ASPA: variants seen among roughly 807,000 people sequenced by gnomAD.
ASPA encodes ACY-2.
In ASPA, 25 loss-of-function variants were observed where a neutral mutation model predicts 29.6. The observed-to-expected ratio is 0.85, with a 90% CI of 0.62 to 1.18. The LOEUF is 1.18. Ranked by LOEUF, ASPA falls within the 50% of genes most tolerant of loss-of-function variation. The probability of loss-of-function intolerance (pLI) is 0.00; values close to 1 mark genes in which losing one functional copy is unlikely to be tolerated. For synonymous variants in ASPA, 131 were observed against 130.3 expected, an observed-to-expected ratio of 1.01 and a Z score of -0.04; for missense variants, 333 against 385.7, an observed-to-expected ratio of 0.86 and a Z score of 1.14.
At chr17:3,477,122 T>G (rs893293089) in intron 1 of ASPA, among the ~76,000 whole-genome samples, 2 of 151,604 alleles carry the variant, frequency 1.3e-5, no homozygotes, top group Admixed American at 6.6e-5. Flanking sequence ...GCCACTGCAC[T>G]CCAGCCTGGG....
chr17:3,482,052 T>C (rs1317035816), intron 2 of ASPA, among the ~76,000 whole-genome samples: 1 of 152,180 alleles, frequency 6.6e-6, no homozygotes, highest in Non-Finnish European at 1.5e-5. Context: ...ACTTGTGGAT[T>C]CTTGTGTCTA....
chr17:3,482,204 G>C (rs2073642908), intron 2 of ASPA, among the ~76,000 whole-genome samples: 3 of 152,026 alleles, frequency 2.0e-5, no homozygotes, highest in Admixed American at 1.3e-4. Flanking sequence ...AAATGGTATG[G>C]GATCTCAATT....
At chr17:3,478,673 C>T (rs1189259323) in intron 1 of ASPA, among the ~76,000 whole-genome samples, 3 of 152,170 alleles carry the variant, frequency 2.0e-5, no homozygotes, top group African/African-American at 7.2e-5. Context: ...ACTTTCTGCT[C>T]CTTACTGTTA....
At position 3,485,934 on chromosome 17, in the gene ASPA, C is replaced by CT. The variant is rs145731380; in HGVS notation, c.526+2357dup. The stretch of plus-strand genomic sequence containing the variant: ...CAGTGGTTGCATTCTAGGAGGGAAC[C>CT]TTTTTTTTTTTTTTTGAGACGGAGT... On this transcript the variant is annotated intron_variant, in intron 3 of 5. Transcript: ENST00000263080. This position sits in a 1 kb window ranked among gnomAD's most constrained non-coding sequence, Gnocchi z 4.4. Among the ~76,000 whole-genome samples, 435 of 142,354 alleles carry CT rather than the reference C, an allele frequency of 3.1e-3. 7 individuals carry two copies. The highest frequency in any genetic ancestry group is 6.6e-3 in the Admixed American group (94 of 14,206). 93.4% of individuals were successfully genotyped at this position (142,354 alleles called of 152,430 possible).
At chr17:3,478,249 T>C (rs1253308429) in intron 1 of ASPA, among the ~76,000 whole-genome samples, 3 of 152,124 alleles carry the variant, frequency 2.0e-5, no homozygotes, top group Non-Finnish European at 4.4e-5. Context: ...TCTATGTGCT[T>C]GTTTTCTGAT....
chr17:3,495,658 T>G (rs1392280761), intron 5 of ASPA, among the ~76,000 whole-genome samples: 3 of 152,214 alleles, frequency 2.0e-5, no homozygotes, highest in Non-Finnish European at 4.4e-5. Flanking sequence ...AAGCTCCACC[T>G]CCCGGGTTCA....
chr17:3,485,949 T>TTTTTA lies in ASPA; in HGVS notation c.526+2357_526+2358insTTTTA, dbSNP rs2073712654. Among the ~76,000 whole-genome samples the TTTTTA allele has an allele frequency of 7.1e-6, 1 of 141,496 alleles. No individual in the cohort carries two copies. Among genetic ancestry groups the TTTTTA allele is most frequent in the African/African-American group, 2.5e-5 (1 of 39,826 alleles). 92.8% of individuals were successfully genotyped at this position (141,496 alleles called of 152,430 possible). On this transcript the variant is annotated intron_variant, in intron 3 of 5. Transcript: ENST00000263080. This position sits in a 1 kb window ranked among gnomAD's most constrained non-coding sequence, Gnocchi z 4.4. The stretch of plus-strand genomic sequence containing the variant: ...AGGAGGGAACCTTTTTTTTTTTTTT[T>TTTTTA]GAGACGGAGTTTCGCTCTTGTTGCC...
In ASPA at chr17:3,476,371, G is replaced by A. The variant is rs104894553; in HGVS notation, c.212G>A (p.Arg71His). 1.1e-4 allele frequency: 181 copies of A among 1,613,924 alleles called. No individual in the cohort carries two copies. The highest frequency in any genetic ancestry group is 6.7e-5 in the Admixed American group (4 of 60,002). ...CTRYIDCDLN[R>H]IFDLENLGKK... Reference sequence around the variant, plus strand: ...AGATATATTGACTGTGACCTGAATCGCATTTTTGACCTTGAAAATCTTGGG... The same window carrying A: ...AGATATATTGACTGTGACCTGAATCACATTTTTGACCTTGAAAATCTTGGG... Residue 71 changes from arginine (R) to histidine (H), a missense_variant, in exon 1 of 6, where the codon CGC (arginine) becomes CAC (histidine). Physicochemically the swap from Arg to His is conservative, Grantham distance 29 (BLOSUM62 0). Transcript: ENST00000263080.
At chr17:3,493,856 G>A (rs113384456) in intron 4 of ASPA, among the ~76,000 whole-genome samples, 10 of 152,214 alleles carry the variant, frequency 6.6e-5, no homozygotes, top group South Asian at 4.1e-4. Flanking sequence ...ACCTCTGGCC[G>A]TCGGCGTGTT....
rs2073811219 is a variant in ASPA at position 3,490,794 on chromosome 17, T to C, written c.634+1452T>C. On this transcript the variant is annotated intron_variant, in intron 4 of 5. Coordinates refer to ENST00000263080, the MANE Select transcript of ASPA (RefSeq NM_000049.4). This position sits in a 1 kb window ranked among gnomAD's most constrained non-coding sequence, Gnocchi z 4.6. ...AATCTGGGTGGAAAACGTGGTTGGT[T>C]TTCAGATCATAGTCCATAGAATCCT... is the stretch of plus-strand genomic sequence containing the variant. 6.6e-6 allele frequency among the ~76,000 whole-genome samples: 1 copy of C among 152,118 alleles called. No individual in the cohort carries two copies. The highest frequency in any genetic ancestry group is 2.4e-5 in the African/African-American group (1 of 41,422).
intron 4 of ASPA, among the ~76,000 whole-genome samples, chr17:3,492,059 T>C (rs1001207966): frequency 6.6e-6 from 1 of 152,034 alleles, no homozygotes; most frequent in Non-Finnish European, 1.5e-5. Flanking sequence ...GTGGTTTTTG[T>C]AGAGACAGGG....
At position 3,490,628 on chromosome 17, in the gene ASPA, A is replaced by G. The variant is rs1190056317; in HGVS notation, c.634+1286A>G. Reference sequence around the variant, plus strand: ...GAAAACTGAAAATTTGCTTTTTACCATCTTTGTCTGAGGGCAGGTTCTATA... The same window carrying G: ...GAAAACTGAAAATTTGCTTTTTACCGTCTTTGTCTGAGGGCAGGTTCTATA... On this transcript the variant is annotated intron_variant, in intron 4 of 5. Transcript: ENST00000263080. The surrounding 1 kb of genome is among the most constrained non-coding windows in gnomAD (Gnocchi z 4.6). Among the ~76,000 whole-genome samples, 4 of 152,300 alleles carry G rather than the reference A, an allele frequency of 2.6e-5. No individual in the cohort carries two copies. Among genetic ancestry groups the G allele is most frequent in the South Asian group, 2.1e-4 (1 of 4,830 alleles).
rs148444458 is a variant in ASPA, at chr17:3,498,190, C to T, written c.745-701C>T. On this transcript the variant is annotated intron_variant, in intron 5 of 5. Coordinates refer to ENST00000263080, the MANE Select transcript of ASPA (RefSeq NM_000049.4). ...GGTAGAATGTCTTGCACACAGAAGA[C>T]TCCTAATGGATATTTCCTAAATTTT... Among the ~76,000 whole-genome samples, 765 of 152,300 alleles carry T rather than the reference C, an allele frequency of 5.0e-3. 3 individuals are homozygous for T. Among genetic ancestry groups the T allele is most frequent in the Non-Finnish European group, 5.2e-3 (355 of 68,034 alleles).
At position 3,481,663 on chromosome 17, in the gene ASPA, A is replaced by C; in HGVS notation, c.297A>C (p.Leu99Phe). 6.2e-7 allele frequency: 1 copy of C among 1,613,936 alleles called. No individual in the cohort carries two copies. The highest frequency in any genetic ancestry group is 8.5e-7 in the Non-Finnish European group (1 of 1,179,940). Residue 99 changes from leucine (L) to phenylalanine (F), a missense_variant, in exon 2 of 6, where the codon TTA becomes TTC. Transcript: ENST00000263080. ...EVRRAQEINH[L>F]FGPKDSEDSY... The stretch of plus-strand genomic sequence containing the variant: ...GAAGGGCTCAAGAAATAAATCATTT[A>C]TTTGGTCCAAAAGACAGTGAAGATT...
chr17:3,483,882 T>G (rs2073676350), intron 3 of ASPA, among the ~76,000 whole-genome samples: 1 of 152,096 alleles, frequency 6.6e-6, no homozygotes, highest in Non-Finnish European at 1.5e-5. Flanking sequence ...GGCCTCAAAC[T>G]CCTGACCTCA....
chr17:3,479,692 G>A (rs1395860123), intron 1 of ASPA, among the ~76,000 whole-genome samples: 2 of 151,948 alleles, frequency 1.3e-5, no homozygotes, highest in Middle Eastern at 3.2e-3. Context: ...TCAAGATGCC[G>A]GCTTTGTCCT....
chr17:3,485,623 T>A lies in ASPA; in HGVS notation c.526+2031T>A, dbSNP rs568375371. On this transcript the variant is annotated intron_variant, in intron 3 of 5. Transcript: ENST00000263080. The surrounding 1 kb of genome is among the most constrained non-coding windows in gnomAD (Gnocchi z 4.4). ...CTGGATCAGAAAGGCAAGGGATCTG[T>A]TTCTCCAAAGTGCTTGTGCTACCAG... 3.9e-5 allele frequency among the ~76,000 whole-genome samples: 6 copies of A among 152,318 alleles called. No individual in the cohort carries two copies. The highest frequency in any genetic ancestry group is 1.4e-4 in the African/African-American group (6 of 41,580).
chr17:3,484,341 G>T (rs1271846472), intron 3 of ASPA, among the ~76,000 whole-genome samples: 1 of 152,166 alleles, frequency 6.6e-6, no homozygotes, highest in Non-Finnish European at 1.5e-5. Context: ...CCCTCAAACA[G>T]CTTCGTATGT....
At position 3,488,941 on chromosome 17, in the gene ASPA, T is replaced by C. The variant is rs2073773486; in HGVS notation, c.527-294T>C. Among the ~76,000 whole-genome samples the C allele has an allele frequency of 6.6e-6, 1 of 152,226 alleles. No individual in the cohort carries two copies. Among genetic ancestry groups the C allele is most frequent in the Non-Finnish European group, 1.5e-5 (1 of 68,042 alleles). ...TTATGACTTTTAAATATTTTAGCAA[T>C]ACTGAAGGAAATTTAAAGAAAAAAG... On this transcript the variant is annotated intron_variant, in intron 3 of 5. Coordinates refer to ENST00000263080, the MANE Select transcript of ASPA (RefSeq NM_000049.4). The surrounding 1 kb of genome is among the most constrained non-coding windows in gnomAD (Gnocchi z 6.1).
Sources: allele counts gnomAD v4.1 joint callset (sites outside exome capture counted in the v4.1 genomes callset), GRCh38; gene constraint gnomAD v4.1.1; non-coding constraint Gnocchi (gnomAD v3.1); transcripts MANE v1.5; gene names NCBI Gene and HGNC (gene_info 2026-07-23, HGNC 2026-07-21).